ARHGEF10L: variants seen among roughly 807,000 people sequenced by gnomAD.
ARHGEF10L encodes rho guanine nucleotide exchange factor 10-like protein.
A neutral mutation model predicts 141.2 loss-of-function variants in ARHGEF10L; 69 were observed. The observed-to-expected ratio is 0.49, with a 90% CI of 0.40 to 0.60. The LOEUF (loss-of-function observed/expected upper bound fraction) is 0.60. Among genes scored for constraint, ARHGEF10L ranks in the 20% least tolerant of loss-of-function variants. The pLI, the probability that ARHGEF10L is intolerant of heterozygous loss-of-function variation, is 0.00. For synonymous variants in ARHGEF10L, 711 were observed against 718.5 expected, an observed-to-expected ratio of 0.99 and a Z score of 0.17; for missense variants, 1,482 against 1,734.3, an observed-to-expected ratio of 0.85 and a Z score of 2.58.
intron 7 of ARHGEF10L, among the ~76,000 whole-genome samples, chr1:17,609,465 T>C (rs2059429347): frequency 6.6e-6 from 1 of 152,216 alleles, no homozygotes; most frequent in Non-Finnish European, 1.5e-5. Context: ...TGGGACGGGA[T>C]ACATTGGAAC....
intron 26 of ARHGEF10L, among the ~76,000 whole-genome samples, chr1:17,674,911 G>A (rs1192973272): frequency 6.6e-6 from 1 of 152,100 alleles, no homozygotes; most frequent in Non-Finnish European, 1.5e-5. Context: ...CAGCTTTACC[G>A]CCTAGATCTG....
chr1:17,650,767 G>A (rs973109727), intron 22 of ARHGEF10L, among the ~76,000 whole-genome samples: 1 of 151,894 alleles, frequency 6.6e-6, no homozygotes, highest in Non-Finnish European at 1.5e-5. Context: ...GGACCTGGAG[G>A]GAGCAGCTCA....
rs185190787 is a variant in ARHGEF10L, at chr1:17,628,016, C to T, written c.1584+513C>T. On this transcript the variant is annotated intron_variant, in intron 15 of 28. Transcript: ENST00000361221. ...AGTCCATGCCATGTTTTGGGGTTGCCGCTTAGGAACATGCTATTAAAAAAA... is the reference window on the plus strand; with the variant it reads ...AGTCCATGCCATGTTTTGGGGTTGCTGCTTAGGAACATGCTATTAAAAAAA... Among the ~76,000 whole-genome samples the T allele has an allele frequency of 1.7e-3, 254 of 151,714 alleles. 2 individuals are homozygous for T. Among genetic ancestry groups the T allele is most frequent in the Middle Eastern group, 0.01 (3 of 292 alleles).
At chr1:17,640,350 C>CGGGGA in intron 21 of ARHGEF10L, 48 bp downstream of exon 21, 1 of 1,530,970 alleles carries the variant, frequency 6.5e-7, no homozygotes, top group South Asian at 1.2e-5. Flanking sequence ...GGGTGTGGAA[C>CGGGGA]GGGGAGGTTT....
At chr1:17,646,097 A>G (rs2061581984) in intron 21 of ARHGEF10L, among the ~76,000 whole-genome samples, 1 of 152,106 alleles carries the variant, frequency 6.6e-6, no homozygotes, top group Non-Finnish European at 1.5e-5. Flanking sequence ...CTGCTCAGTG[A>G]CTCAGGCCGG....
chr1:17,542,696 T>G (rs2076773369), intron 1 of ARHGEF10L, among the ~76,000 whole-genome samples: 1 of 152,230 alleles, frequency 6.6e-6, no homozygotes, highest in African/African-American at 2.4e-5. Context: ...CTTTCATATC[T>G]GCTATCTCTT....
chr1:17,664,416 C>A, intron 25 of ARHGEF10L, 31 bp from the exon 26 acceptor site: 1 of 1,593,880 alleles, frequency 6.3e-7, no homozygotes, highest in Non-Finnish European at 8.5e-7. Context: ...CCGCTCCTGG[C>A]CCCTGACCTG....
chr1:17,517,320 G>T, the ARHGEF10L span, among the ~76,000 whole-genome samples: 1 of 152,132 alleles, frequency 6.6e-6, no homozygotes, highest in Non-Finnish European at 1.5e-5. Flanking sequence ...GTATGGAGAG[G>T]TGTTTTTTAT....
the ARHGEF10L span, among the ~76,000 whole-genome samples, chr1:17,530,705 A>G: frequency 6.6e-6 from 1 of 152,164 alleles, no homozygotes; most frequent in Non-Finnish European, 1.5e-5. Context: ...TTCTTGTATG[A>G]AAAAGAGGAT....
intron 27 of ARHGEF10L, among the ~76,000 whole-genome samples, chr1:17,692,246 G>C (rs889529155): frequency 6.6e-6 from 1 of 152,142 alleles, no homozygotes; most frequent in African/African-American, 2.4e-5. Flanking sequence ...GTCACTAGTG[G>C]GCTTTTTTTT....
Position 17,697,035 on chromosome 1 carries a change from G to A in ARHGEF10L, c.3495G>A (p.Leu1165=), listed in dbSNP as rs375423054. The A allele has an allele frequency of 2.5e-6, 4 of 1,604,658 alleles. No individual in the cohort carries two copies. In the African/African-American group the frequency reaches 5.3e-5, roughly 21 times the overall value. ...CCGATAGCCACGTGGGCCGAGAGCT[G>A]ACCCGCAAGAAGGGCATCCTCTTGC... ...PMPDSHVGRE[L]TRKKGILLQY... Residue 1165 remains leucine, a synonymous_variant, in exon 29 of 29, where the codon CTG becomes CTA. Coordinates refer to ENST00000361221, the MANE Select transcript of ARHGEF10L (RefSeq NM_018125.4). The surrounding 1 kb of genome is among the most constrained non-coding windows in gnomAD (Gnocchi z 4.8).
intron 9 of ARHGEF10L, among the ~76,000 whole-genome samples, chr1:17,617,714 C>T (rs1376541586): frequency 4.6e-5 from 7 of 152,340 alleles, no homozygotes; most frequent in Admixed American, 4.6e-4. Context: ...TCTGTAATCT[C>T]CCTGTGCCTC....
At position 17,549,513 on chromosome 1, in the gene ARHGEF10L, C is replaced by A. The variant is rs574489068; in HGVS notation, c.-44+9563C>A. ...CGTTAGCTGCAGGTGGTCAGGGAGGCCTCTCTGAAGAGAGACATTTAAGCC... is the reference window on the plus strand; with the variant it reads ...CGTTAGCTGCAGGTGGTCAGGGAGGACTCTCTGAAGAGAGACATTTAAGCC... On this transcript the variant is annotated intron_variant, in intron 1 of 28. Transcript: ENST00000361221. 2.6e-5 allele frequency among the ~76,000 whole-genome samples: 4 copies of A among 152,010 alleles called. No homozygotes were observed. The South Asian group carries it at 8.3e-4, about 32-fold the overall frequency.
Position 17,598,011 on chromosome 1 carries a change from G to A in ARHGEF10L, c.258-4116G>A, listed in dbSNP as rs552883035. 1.5e-4 allele frequency among the ~76,000 whole-genome samples: 23 copies of A among 152,336 alleles called. 1 individual carries two copies. The South Asian group carries it at 4.8e-3, about 32-fold the overall frequency. ...TAAAGCGTGCTGCAGCCTTTGAGCT[G>A]GGTGTTACGCTTTCTCTTGGACAGT... On this transcript the variant is annotated intron_variant, in intron 4 of 28. Coordinates refer to ENST00000361221, the MANE Select transcript of ARHGEF10L (RefSeq NM_018125.4).
chr1:17,695,227 G>C lies in ARHGEF10L; in HGVS notation c.3254G>C (p.Gly1085Ala). Residue 1085 changes from glycine (G) to alanine (A), a missense_variant, in exon 28 of 29, where the codon GGT (glycine) becomes GCT (alanine). By Grantham distance (60) the Gly-to-Ala change is moderately conservative. Coordinates refer to ENST00000361221, the MANE Select transcript of ARHGEF10L (RefSeq NM_018125.4). Reference sequence around the variant, plus strand: ...CTGCTCTGGGTGGGCACTGACCAGGGTGTCATCGTCCTGCTGCCCGTGCCT... The same window carrying C: ...CTGCTCTGGGTGGGCACTGACCAGGCTGTCATCGTCCTGCTGCCCGTGCCT... Reference protein sequence around the residue: ...QGLLWVGTDQGVIVLLPVPRL... With the variant: ...QGLLWVGTDQAVIVLLPVPRL... The C allele has an allele frequency of 6.2e-7, 1 of 1,610,180 alleles. No individual in the cohort carries two copies. Among genetic ancestry groups the C allele is most frequent in the Non-Finnish European group, 8.5e-7 (1 of 1,178,740 alleles).
intron 4 of ARHGEF10L, among the ~76,000 whole-genome samples, chr1:17,591,112 C>T (rs1399762474): frequency 6.6e-6 from 1 of 152,320 alleles, no homozygotes; most frequent in Non-Finnish European, 1.5e-5. Context: ...GAGGCCAAGA[C>T]AGAGGCCAGG....
intron 26 of ARHGEF10L, among the ~76,000 whole-genome samples, chr1:17,671,189 G>C (rs1024682357): frequency 2.0e-5 from 3 of 152,260 alleles, no homozygotes; most frequent in African/African-American, 7.2e-5. Context: ...GGAGCCGCCT[G>C]TGCAGGGCGG....
At chr1:17,568,476 A>C (rs1258094415) in intron 1 of ARHGEF10L, among the ~76,000 whole-genome samples, 2 of 152,184 alleles carry the variant, frequency 1.3e-5, no homozygotes, top group Non-Finnish European at 2.9e-5. Flanking sequence ...TGACATGGCA[A>C]AAAGGGGAAC....
chr1:17,674,708 C>T (rs1257918789), intron 26 of ARHGEF10L, among the ~76,000 whole-genome samples: 1 of 152,228 alleles, frequency 6.6e-6, no homozygotes. Flanking sequence ...CAGTCAACAA[C>T]AGACCACACA....
Sources: allele counts gnomAD v4.1 joint callset (sites outside exome capture counted in the v4.1 genomes callset), GRCh38; gene constraint gnomAD v4.1.1; non-coding constraint Gnocchi (gnomAD v3.1); transcripts MANE v1.5; gene names NCBI Gene and HGNC (gene_info 2026-07-23, HGNC 2026-07-21).